Variants in CEP290 observed in about 807,000 individuals in gnomAD.
The protein encoded by CEP290 is centrosomal protein 290.
In CEP290, 317 loss-of-function variants were observed where a neutral mutation model predicts 344.9. The observed-to-expected ratio is 0.92, with a 90% CI of 0.84 to 1.01. The LOEUF is 1.01. Ranked by LOEUF, CEP290 falls within the 50% of genes least tolerant of loss-of-function variation. CEP290 has a pLI of 0.00. For synonymous variants in CEP290, 932 were observed against 895.8 expected (o/e 1.04, Z -0.72); for missense variants, 2,754 against 2,761.4 (o/e 1.00, Z 0.06).
At position 88,068,572 on chromosome 12, in the gene CEP290, G is replaced by A. The variant is rs778300453; in HGVS notation, c.6085C>T (p.Leu2029Phe). 1.3e-6 allele frequency: 2 copies of A among 1,588,182 alleles called. No individual in the cohort carries two copies. Among genetic ancestry groups the A allele is most frequent in the Admixed American group, 3.6e-5 (2 of 55,830 alleles). The change falls in exon 44 of 54, where the codon CTT becomes TTT. Residue 2029 changes from leucine to phenylalanine, a missense_variant. Transcript: ENST00000552810. ...HLQNRYLQEK[L>F]HALEKQFSKD... is the part of the protein sequence containing the mutation. ...GAAAACTGTTTTTCTAAAGCATGAA[G>A]TTTTTCTTGGAGGTATCTATTTTGT...
At chr12:88,080,788 A>C (rs1490278845) in intron 37 of CEP290, among the ~76,000 whole-genome samples, 2 of 152,174 alleles carry the variant, frequency 1.3e-5, no homozygotes, top group African/African-American at 4.8e-5. Context: ...TACAAATTTC[A>C]TATAGAGCAA....
chr12:88,111,843 T>C lies in CEP290; in HGVS notation c.2068A>G (p.Asn690Asp). 1 of 1,593,016 alleles carries C rather than the reference T, an allele frequency of 6.3e-7. No individual in the cohort carries two copies. Among genetic ancestry groups the C allele is most frequent in the Non-Finnish European group, 8.5e-7 (1 of 1,170,210 alleles). Residue 690 changes from asparagine (N) to aspartate (D), a missense_variant, in exon 21 of 54, where the codon AAT becomes GAT. Physicochemically the swap from Asn to Asp is conservative, Grantham distance 23. Coordinates refer to ENST00000552810, the MANE Select transcript of CEP290 (RefSeq NM_025114.4). ...CTCGCATCAAAGATTCCTTCTGCAT[T>C]CTTTGATTCTATAGCCTAGCAAATT... Reference protein sequence around the residue: ...ERLVNAIESKNAEGIFDASLH... With the variant: ...ERLVNAIESKDAEGIFDASLH...
Position 88,062,691 on chromosome 12 carries a change from C to T in CEP290, c.6357+1G>A, listed in dbSNP as rs1196938557. The T allele has an allele frequency of 1.9e-6, 3 of 1,592,520 alleles. No homozygotes were observed. Among genetic ancestry groups the T allele is most frequent in the South Asian group, 2.3e-5 (2 of 88,598 alleles). On this transcript the variant is annotated splice_donor_variant, in intron 46 of 53. Coordinates refer to ENST00000552810, the MANE Select transcript of CEP290 (RefSeq NM_025114.4). LOFTEE classifies it high-confidence loss of function. ...CAAATGTATGGTAAATTCTCACATACCCCTCTAACATGGCCAAGTTTCCGC... is the reference window on the plus strand; with the variant it reads ...CAAATGTATGGTAAATTCTCACATATCCCTCTAACATGGCCAAGTTTCCGC...
Position 88,054,425 on chromosome 12 carries a change from A to G in CEP290, c.6961-12T>C, listed in dbSNP as rs762776921. ...TTAAGAATCTTAATCTTTGAGGACAATGAAAAGTTAGAAGATAAGGTTTGC... is the reference window on the plus strand; with the variant it reads ...TTAAGAATCTTAATCTTTGAGGACAGTGAAAAGTTAGAAGATAAGGTTTGC... On this transcript the variant is annotated splice_polypyrimidine_tract_variant and intron_variant, in intron 50 of 53. Transcript: ENST00000552810. 2 of 1,592,108 alleles carry G rather than the reference A, an allele frequency of 1.3e-6. No homozygotes were observed. The highest frequency in any genetic ancestry group is 1.3e-5 in the African/African-American group (1 of 74,384).
At chr12:88,086,360 CAG>C in intron 33 of CEP290, 29 bp downstream of exon 33, 1 of 1,526,044 alleles carries the variant, frequency 6.6e-7, no homozygotes, top group South Asian at 1.2e-5. Flanking sequence ...GACTATGCTA[CAG>C]AGTAACAAAC....
At chr12:88,130,691 C>A (rs1392489885) in intron 7 of CEP290, 126 bp from the exon 8 acceptor site, 9 of 627,016 alleles carry the variant, frequency 1.4e-5, no homozygotes, top group Non-Finnish European at 1.5e-5. Flanking sequence ...CTTGAATAAC[C>A]AAAGAAAGAA....
intron 3 of CEP290, among the ~76,000 whole-genome samples, chr12:88,140,364 C>A (rs542682712): frequency 6.6e-6 from 1 of 152,194 alleles, no homozygotes; most frequent in Non-Finnish European, 1.5e-5. Flanking sequence ...ACCTTTACTG[C>A]CTTCTCAATT....
intron 22 of CEP290, among the ~76,000 whole-genome samples, chr12:88,110,292 T>C (rs1158729770): frequency 6.6e-6 from 1 of 152,180 alleles, no homozygotes; most frequent in Non-Finnish European, 1.5e-5. Flanking sequence ...ACGACCATTA[T>C]ATAGACAGCA....
At chr12:88,117,328 T>C (rs1289171666) in intron 17 of CEP290, among the ~76,000 whole-genome samples, 183 bp from the exon 18 acceptor site, 1 of 152,228 alleles carries the variant, frequency 6.6e-6, no homozygotes, top group East Asian at 1.9e-4. Context: ...TAATGAACTA[T>C]TAATAATGTG....
chr12:88,121,057 A>T lies in CEP290; in HGVS notation c.1299T>A (p.Asp433Glu). Reference sequence around the variant, plus strand: ...CTAATTCTTTATCCTTTTCCCTAGCATCAGCCTCAGCCAGTTCAGCTGTTC... The same window carrying T: ...CTAATTCTTTATCCTTTTCCCTAGCTTCAGCCTCAGCCAGTTCAGCTGTTC... ...AERTAELAEA[D>E]AREKDKELVE... is the part of the protein sequence containing the mutation. Residue 433 changes from aspartate (D) to glutamate (E), a missense_variant, in exon 14 of 54, where the codon GAT (aspartate) becomes GAA (glutamate). Asp to Glu is a conservative substitution (Grantham distance 45). Coordinates refer to ENST00000552810, the MANE Select transcript of CEP290 (RefSeq NM_025114.4). The T allele has an allele frequency of 6.2e-7, 1 of 1,613,590 alleles. No homozygotes were observed. Among genetic ancestry groups the T allele is most frequent in the Admixed American group, 1.7e-5 (1 of 59,976 alleles).
rs1565917050 is a variant in CEP290 at position 88,131,196 on chromosome 12, GCCT to G, written c.461_463del (p.Glu154del). The G allele has an allele frequency of 2.0e-6, 3 of 1,509,760 alleles. No homozygotes were observed. The highest frequency in any genetic ancestry group is 1.8e-6 in the Non-Finnish European group (2 of 1,135,224). 93.5% of individuals were successfully genotyped at this position (1,509,760 alleles called of 1,614,324 possible). On this transcript the variant is annotated inframe_deletion, in exon 7 of 54. Transcript: ENST00000552810. ...TCTTAATTTGCTGTTTTCATTTTCT[GCCT>G]CCTCATTTCGAAGAGCCAACTAAAA... is the stretch of plus-strand genomic sequence containing the variant.
intron 3 of CEP290, 25 bp downstream of exon 3, chr12:88,140,931 T>C (rs1316464695): frequency 2.7e-6 from 4 of 1,494,516 alleles, no homozygotes; most frequent in South Asian, 1.3e-5. Flanking sequence ...GCCAAACCTA[T>C]AGTTAAAACC....
chr12:88,077,433 C>G, intron 40 of CEP290, 89 bp from the exon 41 acceptor site: 1 of 876,284 alleles, frequency 1.1e-6, no homozygotes, highest in Non-Finnish European at 1.7e-6. Context: ...TAGCAACTTT[C>G]TGAAGCTATC....
At chr12:88,062,575 C>A in intron 46 of CEP290, 117 bp downstream of exon 46, 1 of 647,140 alleles carries the variant, frequency 1.5e-6, no homozygotes, top group Admixed American at 2.7e-5. Context: ...AGAATAAACA[C>A]TGAAACTACA....
chr12:88,113,953 T>C (rs906398964), intron 20 of CEP290, among the ~76,000 whole-genome samples: 1 of 151,966 alleles, frequency 6.6e-6, no homozygotes, highest in African/African-American at 2.4e-5. Context: ...ACCCCTCAAA[T>C]ACGGAAGACA....
intron 41 of CEP290, among the ~76,000 whole-genome samples, chr12:88,073,743 G>GCAACATAGTAAGACGTCATCT: frequency 1.3e-5 from 2 of 152,018 alleles, no homozygotes; most frequent in South Asian, 4.2e-4. Flanking sequence ...ACCAGCCAGG[G>GCAACATAGTAAGACGTCATCT]CAACATAGTA....
chr12:88,140,314 C>G (rs1357201347), intron 3 of CEP290, among the ~76,000 whole-genome samples: 1 of 152,160 alleles, frequency 6.6e-6, no homozygotes, highest in Non-Finnish European at 1.5e-5. Flanking sequence ...GTTTTGCCTT[C>G]TTAAGGTGTA....
intron 40 of CEP290, 67 bp downstream of exon 40, chr12:88,077,630 A>G (rs2035876002): frequency 1.1e-6 from 1 of 946,902 alleles, no homozygotes; most frequent in Non-Finnish European, 1.6e-6. Flanking sequence ...ATAAAATGAT[A>G]AAGTAGAAAT....
rs964228508 is a variant in CEP290 at position 88,130,232 on chromosome 12, G to A, written c.669+36C>T. On this transcript the variant is annotated intron_variant, in intron 9 of 53. Transcript: ENST00000552810. ...ATTGTAATGAAATTAAAGTTTTTAGGAACCATTGCTCTGAATTGACTTCTA... is the reference window on the plus strand; with the variant it reads ...ATTGTAATGAAATTAAAGTTTTTAGAAACCATTGCTCTGAATTGACTTCTA... The A allele has an allele frequency of 1.0e-5, 16 of 1,546,060 alleles. No homozygotes were observed. In the African/African-American group the frequency reaches 2.3e-4, roughly 22 times the overall value.
Sources: allele counts gnomAD v4.1 joint callset (sites outside exome capture counted in the v4.1 genomes callset), GRCh38; gene constraint gnomAD v4.1.1; transcripts MANE v1.5; gene names NCBI Gene and HGNC (gene_info 2026-07-23, HGNC 2026-07-21).